The following CDH2 variants were observed in gnomAD, a reference collection of about 807,000 sequenced individuals.
The protein encoded by CDH2 is cadherin 2.
Under a neutral mutation model 92.0 loss-of-function variants are expected in CDH2, and 17 were observed. That is an observed-to-expected ratio of 0.18 (90% CI 0.13 to 0.28). CDH2 has a LOEUF of 0.28. Ranked by LOEUF, CDH2 falls within the 10% of genes least tolerant of loss-of-function variation. The probability of loss-of-function intolerance (pLI) is 1.00; values close to 1 mark genes in which losing one functional copy is unlikely to be tolerated. For missense variants in CDH2, 862 were observed against 1,133.1 expected (o/e 0.76, Z 3.44); for synonymous variants, 419 against 415.9 (o/e 1.01, Z -0.09).
chr18:28,032,622 A>G (rs1239532717), intron 2 of CDH2, among the ~76,000 whole-genome samples: 3 of 152,132 alleles, frequency 2.0e-5, no homozygotes, highest in Non-Finnish European at 4.4e-5. Flanking sequence ...TCTCATTTGG[A>G]TATCATCTAT....
chr18:28,153,278 G>A (rs2016153728), intron 1 of CDH2, among the ~76,000 whole-genome samples: 1 of 151,848 alleles, frequency 6.6e-6, no homozygotes, highest in Admixed American at 6.6e-5. Flanking sequence ...TTTTTTCTAG[G>A]CAACTGTTAA....
At chr18:27,986,634 C>T (rs1299525532) in intron 11 of CDH2, among the ~76,000 whole-genome samples, 1 of 152,102 alleles carries the variant, frequency 6.6e-6, no homozygotes, top group Non-Finnish European at 1.5e-5. Context: ...AGACCAGAGA[C>T]TTAAGCGACC....
At chr18:28,102,378 G>A (rs1344654154) in intron 2 of CDH2, among the ~76,000 whole-genome samples, 1 of 152,118 alleles carries the variant, frequency 6.6e-6, no homozygotes, top group Non-Finnish European at 1.5e-5. Context: ...CATCTCTGCA[G>A]AATCATTTCT....
intron 2 of CDH2, among the ~76,000 whole-genome samples, chr18:28,132,320 G>A (rs1878041111): frequency 6.6e-6 from 1 of 152,212 alleles, no homozygotes; most frequent in Admixed American, 6.5e-5. Context: ...GATAGGAAAA[G>A]CTTCTGGATT....
chr18:28,102,063 G>A (rs2015235719), intron 2 of CDH2, among the ~76,000 whole-genome samples: 1 of 152,044 alleles, frequency 6.6e-6, no homozygotes, highest in Admixed American at 6.6e-5. Flanking sequence ...AAATGCCCAA[G>A]TCGTATCCAC....
At chr18:28,018,922 T>G (rs527351169) in intron 2 of CDH2, among the ~76,000 whole-genome samples, 1 of 150,502 alleles carries the variant, frequency 6.6e-6, no homozygotes, top group East Asian at 1.9e-4. Flanking sequence ...TATATATATA[T>G]TTATTTATAT....
intron 2 of CDH2, among the ~76,000 whole-genome samples, chr18:28,098,782 C>T (rs1289237464): frequency 6.6e-6 from 1 of 152,124 alleles, no homozygotes; most frequent in Non-Finnish European, 1.5e-5. Flanking sequence ...AGAGAATCTA[C>T]TTGTTCATTC....
intron 2 of CDH2, among the ~76,000 whole-genome samples, chr18:28,048,191 C>T (rs1028595786): frequency 3.9e-5 from 6 of 152,112 alleles, no homozygotes; most frequent in African/African-American, 1.4e-4. Context: ...TTAAGCCTCA[C>T]AGAGGTTAAG....
intron 2 of CDH2, among the ~76,000 whole-genome samples, chr18:28,084,199 C>T (rs534057585): frequency 3.3e-5 from 5 of 152,240 alleles, no homozygotes; most frequent in East Asian, 1.9e-4. Flanking sequence ...TCAGGCAGTG[C>T]GTATCACTTT....
At chr18:28,100,988 G>T (rs1436461961) in intron 2 of CDH2, among the ~76,000 whole-genome samples, 1 of 152,104 alleles carries the variant, frequency 6.6e-6, no homozygotes, top group Non-Finnish European at 1.5e-5. Flanking sequence ...GTGAAGTTCT[G>T]CAAAACTTTT....
rs17495070 is a variant in CDH2, at chr18:28,150,303, C to T, written c.61-2519G>A. 4.2e-3 allele frequency among the ~76,000 whole-genome samples: 639 copies of T among 152,196 alleles called. 4 individuals are homozygous for T. The highest frequency in any genetic ancestry group is 0.015 in the African/African-American group (606 of 41,504). On this transcript the variant is annotated intron_variant, in intron 1 of 15. Transcript: ENST00000269141. The stretch of plus-strand genomic sequence containing the variant: ...ACGGGGGTCACGTTTCAAATGGGGG[C>T]GTTCAGGGTAGTAGAGTATGCGGGT...
At chr18:28,099,088 A>G (rs1158440168) in intron 2 of CDH2, among the ~76,000 whole-genome samples, 1 of 152,110 alleles carries the variant, frequency 6.6e-6, no homozygotes, top group Non-Finnish European at 1.5e-5. Flanking sequence ...TTCAAGGTAA[A>G]TTTATCATGC....
chr18:28,068,358 G>A (rs1599075583), intron 2 of CDH2, among the ~76,000 whole-genome samples: 1 of 152,064 alleles, frequency 6.6e-6, no homozygotes, highest in South Asian at 2.1e-4. Context: ...AAATACAAAG[G>A]TGCCAAACAG....
At chr18:28,168,497 AG>A (rs2016418221) in intron 1 of CDH2, 1 of 159,504 alleles carries the variant, frequency 6.3e-6, no homozygotes, top group South Asian at 2.0e-4. Flanking sequence ...TATGGAAAAA[AG>A]AGTTTCAAAA....
At chr18:27,989,987 G>A in intron 10 of CDH2, 110 bp downstream of exon 10, 1 of 872,830 alleles carries the variant, frequency 1.1e-6, no homozygotes, top group Non-Finnish European at 1.8e-6. Flanking sequence ...CTTTTAATAA[G>A]TAGTTTTGAT....
chr18:28,105,696 C>T (rs1311840717), intron 2 of CDH2, among the ~76,000 whole-genome samples: 1 of 152,072 alleles, frequency 6.6e-6, no homozygotes, highest in African/African-American at 2.4e-5. Flanking sequence ...GGACCTTAAA[C>T]TCAAAAATAA....
intron 2 of CDH2, among the ~76,000 whole-genome samples, chr18:28,044,850 C>CGT (rs68093312): frequency 0.058 from 8,682 of 148,434 alleles, 264 homozygotes; most frequent in Middle Eastern, 0.087. Flanking sequence ...TATATAACAT[C>CGT]GTGTGTGTGT....
At chr18:28,065,869 G>A (rs1291742300) in intron 2 of CDH2, among the ~76,000 whole-genome samples, 3 of 152,162 alleles carry the variant, frequency 2.0e-5, no homozygotes, top group African/African-American at 7.2e-5. Context: ...AAACTTAAAT[G>A]CTAGGGGTTC....
chr18:27,998,975 T>C (rs2012676895), intron 7 of CDH2, among the ~76,000 whole-genome samples: 2 of 152,186 alleles, frequency 1.3e-5, no homozygotes, highest in Non-Finnish European at 2.9e-5. Context: ...AGACAAGGAA[T>C]ATCTGCCCCA....
Sources: gnomAD v4.1 joint callset for allele counts (sites outside exome capture counted in the v4.1 genomes callset) on GRCh38, gnomAD v4.1.1 for gene constraint, MANE v1.5 for transcripts, NCBI Gene and HGNC (gene_info 2026-07-23, HGNC 2026-07-21) for gene names.